The following SLC25A26 variants were observed in gnomAD, a reference collection of about 807,000 sequenced individuals.
The protein encoded by SLC25A26 is solute carrier family 25 member 26, also known as mitochondrial S-adenosylmethionine carrier protein.
SLC25A26 carries 36 observed loss-of-function variants against 37.8 expected under a neutral mutation model. The observed-to-expected ratio is 0.95, with a 90% CI of 0.73 to 1.26. The LOEUF is 1.26. SLC25A26 is among the 50% of genes most tolerant of loss of function. SLC25A26 has a pLI of 0.00. For synonymous variants in SLC25A26, 129 were observed against 122.5 expected (o/e 1.05, Z -0.35); for missense variants, 390 against 331.1 (o/e 1.18, Z -1.38).
chr3:66,299,650 G>T (rs1468808000), intron 5 of SLC25A26, among the ~76,000 whole-genome samples: 1 of 152,046 alleles, frequency 6.6e-6, no homozygotes, highest in East Asian at 1.9e-4. Context: ...TGATCCAAGG[G>T]GGTATGTGTG....
intron 1 of SLC25A26, among the ~76,000 whole-genome samples, chr3:66,231,628 A>G (rs185886114): frequency 7.8e-4 from 119 of 152,268 alleles, no homozygotes; most frequent in African/African-American, 2.6e-3. Flanking sequence ...TATGTTCCAG[A>G]CTTCTAATTA....
chr3:66,179,354 A>T (rs2070651533), intron 1 of SLC25A26, among the ~76,000 whole-genome samples: 1 of 152,230 alleles, frequency 6.6e-6, no homozygotes, highest in Non-Finnish European at 1.5e-5. Flanking sequence ...ACTATGCGTT[A>T]GTCTTGCTGT....
intron 3 of SLC25A26, among the ~76,000 whole-genome samples, chr3:66,258,853 T>TC (rs58561093): frequency 0.054 from 8,192 of 151,642 alleles, 243 homozygotes; most frequent in African/African-American, 0.064. Flanking sequence ...TCTTTTTTTT[T>TC]TTTTTTAATT....
At chr3:66,297,471 A>T (rs1020741171) in intron 5 of SLC25A26, among the ~76,000 whole-genome samples, 1 of 152,200 alleles carries the variant, frequency 6.6e-6, no homozygotes, top group Admixed American at 6.5e-5. Context: ...TTCTTTATCA[A>T]AATATTACTA....
intron 5 of SLC25A26, chr3:66,323,706 T>TG (rs1384000266): frequency 2.0e-5 from 3 of 152,204 alleles, no homozygotes; most frequent in South Asian, 2.1e-4. Flanking sequence ...CCCAGCCATT[T>TG]GGGGGGCTCT....
chr3:66,280,682 C>G (rs905908084), intron 5 of SLC25A26, among the ~76,000 whole-genome samples: 1 of 152,012 alleles, frequency 6.6e-6, no homozygotes, highest in Non-Finnish European at 1.5e-5. Flanking sequence ...TTTTTTCTGC[C>G]TTTCCAGCTT....
intron 5 of SLC25A26, among the ~76,000 whole-genome samples, chr3:66,269,277 A>G (rs2073872798): frequency 6.6e-6 from 1 of 152,216 alleles, no homozygotes; most frequent in Non-Finnish European, 1.5e-5. Flanking sequence ...CAACCTTGAT[A>G]TGTCTGCATT....
intron 1 of SLC25A26, among the ~76,000 whole-genome samples, chr3:66,193,587 G>A (rs2070986825): frequency 6.6e-6 from 1 of 151,972 alleles, no homozygotes; most frequent in African/African-American, 2.4e-5. Flanking sequence ...TATTTATGCT[G>A]ATAGTAAATG....
At chr3:66,275,687 A>G (rs1210750640) in intron 5 of SLC25A26, among the ~76,000 whole-genome samples, 1 of 152,118 alleles carries the variant, frequency 6.6e-6, no homozygotes, top group Non-Finnish European at 1.5e-5. Context: ...TCTGCCAGAT[A>G]AACTGTCTGT....
chr3:66,189,928 G>A (rs946795096), intron 1 of SLC25A26, among the ~76,000 whole-genome samples: 1 of 152,080 alleles, frequency 6.6e-6, no homozygotes, highest in African/African-American at 2.4e-5. Flanking sequence ...GCTTCTCAAA[G>A]TACTGGGATT....
chr3:66,301,775 G>GC (rs2075082709), intron 5 of SLC25A26, among the ~76,000 whole-genome samples: 1 of 152,176 alleles, frequency 6.6e-6, no homozygotes, highest in South Asian at 2.1e-4. Flanking sequence ...ACAGATACAA[G>GC]CATTAGAATT....
intron 5 of SLC25A26, among the ~76,000 whole-genome samples, chr3:66,332,261 A>G (rs975009345): frequency 1.3e-5 from 2 of 151,974 alleles, no homozygotes; most frequent in African/African-American, 4.8e-5. Context: ...TTTAGCATGC[A>G]CCTACTCCTA....
chr3:66,159,835 C>T (rs187894927), intron 1 of SLC25A26, among the ~76,000 whole-genome samples: 9 of 152,188 alleles, frequency 5.9e-5, no homozygotes, highest in African/African-American at 2.2e-4. Context: ...AGGTCCCAGG[C>T]AACCCTGAAA....
intron 5 of SLC25A26, among the ~76,000 whole-genome samples, chr3:66,281,822 C>CTTTT (rs35569177): frequency 8.2e-6 from 1 of 122,454 alleles, no homozygotes; most frequent in African/African-American, 3.4e-5. Context: ...CCCGTTAGTC[C>CTTTT]TTTTTTTTTT....
At chr3:66,152,059 T>G (rs1234354533) in intron 1 of SLC25A26, among the ~76,000 whole-genome samples, 1 of 152,182 alleles carries the variant, frequency 6.6e-6, no homozygotes, top group African/African-American at 2.4e-5. Context: ...ATGTCCAGCT[T>G]TTGCTTATCA....
At chr3:66,194,893 G>A (rs1337188513) in intron 1 of SLC25A26, among the ~76,000 whole-genome samples, 5 of 152,160 alleles carry the variant, frequency 3.3e-5, no homozygotes, top group Admixed American at 3.3e-4. Context: ...GAGACACCGC[G>A]CCGGGCCCAA....
At chr3:66,341,027 A>C (rs534331944) in intron 5 of SLC25A26, among the ~76,000 whole-genome samples, 1 of 152,052 alleles carries the variant, frequency 6.6e-6, no homozygotes, top group African/African-American at 2.4e-5. Context: ...GGACAGTTTT[A>C]CTTCTTTTCA....
intron 5 of SLC25A26, among the ~76,000 whole-genome samples, chr3:66,302,486 T>C (rs935593142): frequency 4.6e-5 from 7 of 152,132 alleles, no homozygotes; most frequent in African/African-American, 1.7e-4. Flanking sequence ...TTTGACACTT[T>C]TCTCATTCTA....
At chr3:66,343,235 G>A (rs1270275281) in intron 5 of SLC25A26, among the ~76,000 whole-genome samples, 3 of 152,188 alleles carry the variant, frequency 2.0e-5, no homozygotes, top group African/African-American at 4.8e-5. Context: ...CACATGTGTG[G>A]AACACATTTT....
Sources: gnomAD v4.1 joint callset for allele counts (sites outside exome capture counted in the v4.1 genomes callset) on GRCh38, gnomAD v4.1.1 for gene constraint, MANE v1.5 for transcripts, NCBI Gene and HGNC (gene_info 2026-07-23, HGNC 2026-07-21) for gene names.